CDH20: variants seen among roughly 807,000 people sequenced by gnomAD.
The protein encoded by CDH20 is cadherin-20.
CDH20 carries 29 observed loss-of-function variants against 74.2 expected under a neutral mutation model. That is an observed-to-expected ratio of 0.39 (90% CI 0.29 to 0.53). The LOEUF is 0.53. Ranked by LOEUF, CDH20 falls within the 20% of genes least tolerant of loss-of-function variation. The pLI is 0.69. For missense variants in CDH20, 988 were observed against 1,048.3 expected, an observed-to-expected ratio of 0.94 and a Z score of 0.79; for synonymous variants, 469 against 405.4, an observed-to-expected ratio of 1.16 and a Z score of -1.88.
chr18:61,481,494 T>C lies in CDH20; in HGVS notation c.-152-8908T>C, dbSNP rs543064758. Among the ~76,000 whole-genome samples the C allele has an allele frequency of 2.0e-5, 3 of 152,156 alleles. No homozygotes were observed. In the East Asian group the frequency reaches 5.8e-4, roughly 29 times the overall value. On this transcript the variant is annotated intron_variant, in intron 1 of 11. Transcript: ENST00000262717. ...ATGATACACTATGTTCTAAAAGAGA[T>C]TTCTTTTCCTGAAAGCATGTATTAG...
chr18:61,405,027 A>G (rs1912284726), intron 1 of CDH20: 1 of 694,412 alleles, frequency 1.4e-6, no homozygotes, highest in Non-Finnish European at 2.7e-6. Flanking sequence ...ATAGTACTCC[A>G]TTTCTGATTT....
intron 1 of CDH20, among the ~76,000 whole-genome samples, chr18:61,483,392 C>A (rs1329561284): frequency 6.6e-6 from 1 of 152,072 alleles, no homozygotes; most frequent in Non-Finnish European, 1.5e-5. Flanking sequence ...AGGAGTTGAC[C>A]CCACCACCTC....
chr18:61,393,719 C>T (rs1911868208), intron 1 of CDH20, among the ~76,000 whole-genome samples: 1 of 152,148 alleles, frequency 6.6e-6, no homozygotes, highest in Non-Finnish European at 1.5e-5. Context: ...ACATTATTTG[C>T]TACTTCACGT....
At chr18:61,469,555 G>A (rs1165798992) in intron 1 of CDH20, among the ~76,000 whole-genome samples, 1 of 152,132 alleles carries the variant, frequency 6.6e-6, no homozygotes, top group African/African-American at 2.4e-5. Flanking sequence ...CCTATAGTGG[G>A]CAACACAGGA....
intron 11 of CDH20, among the ~76,000 whole-genome samples, chr18:61,550,514 C>G (rs1913397484): frequency 6.6e-6 from 1 of 152,232 alleles, no homozygotes; most frequent in African/African-American, 2.4e-5. Flanking sequence ...TCCTGGCCTT[C>G]CTGAGTTTAC....
chr18:61,462,832 G>A (rs1909831865), intron 1 of CDH20, among the ~76,000 whole-genome samples: 1 of 151,778 alleles, frequency 6.6e-6, no homozygotes, highest in Admixed American at 6.6e-5. Context: ...GGATGGCATA[G>A]AGTTCAAGAA....
intron 1 of CDH20, among the ~76,000 whole-genome samples, chr18:61,346,823 T>C (rs2144102854): frequency 6.6e-6 from 1 of 152,308 alleles, no homozygotes; most frequent in African/African-American, 2.4e-5. Flanking sequence ...GATCTAGCAA[T>C]TTAATTTTTC....
At chr18:61,346,077 C>T (rs772504140) in intron 1 of CDH20, among the ~76,000 whole-genome samples, 15 of 152,100 alleles carry the variant, frequency 9.9e-5, no homozygotes, top group East Asian at 1.9e-4. Flanking sequence ...TTCTGGAAAG[C>T]GTAGCTGACC....
intron 2 of CDH20, among the ~76,000 whole-genome samples, chr18:61,494,764 T>C (rs959382969): frequency 3.9e-5 from 6 of 152,202 alleles, no homozygotes; most frequent in African/African-American, 1.2e-4. Flanking sequence ...CTAGATTATA[T>C]TGACATATGC....
intron 2 of CDH20, among the ~76,000 whole-genome samples, chr18:61,497,112 A>G (rs1247001615): frequency 2.0e-5 from 3 of 150,716 alleles, no homozygotes; most frequent in East Asian, 1.9e-4. Context: ...AGAAAGAAAG[A>G]AAGAAAGAAA....
intron 1 of CDH20, among the ~76,000 whole-genome samples, chr18:61,406,996 T>A (rs1912350736): frequency 6.6e-6 from 1 of 152,226 alleles, no homozygotes; most frequent in South Asian, 2.1e-4. Flanking sequence ...AGACATCTCA[T>A]CCTTTTACCA....
intron 1 of CDH20, among the ~76,000 whole-genome samples, chr18:61,484,520 T>C (rs1265409026): frequency 6.6e-6 from 1 of 152,110 alleles, no homozygotes. Context: ...ATAGCAAGAA[T>C]GAAAAGCACA....
intron 2 of CDH20, among the ~76,000 whole-genome samples, chr18:61,497,065 C>T (rs1381014282): frequency 7.7e-6 from 1 of 130,540 alleles, no homozygotes; most frequent in African/African-American, 3.0e-5. Flanking sequence ...ACTTTTTTAA[C>T]TGCATAAATA....
chr18:61,506,068 C>T (rs1448934130), intron 5 of CDH20, among the ~76,000 whole-genome samples: 4 of 152,172 alleles, frequency 2.6e-5, no homozygotes, highest in African/African-American at 9.7e-5. Context: ...ATTGAATAAG[C>T]TAAGCCACCT....
chr18:61,501,147 G>A (rs1351165819), intron 4 of CDH20, among the ~76,000 whole-genome samples: 1 of 152,154 alleles, frequency 6.6e-6, no homozygotes, highest in Non-Finnish European at 1.5e-5. Flanking sequence ...GTCCTGATTG[G>A]GAAGCTCTCA....
intron 1 of CDH20, among the ~76,000 whole-genome samples, chr18:61,439,203 C>T (rs1443756441): frequency 6.6e-6 from 1 of 152,046 alleles, no homozygotes; most frequent in Non-Finnish European, 1.5e-5. Context: ...CTCAGCATAA[C>T]GCAATATATC....
Position 61,353,429 on chromosome 18 carries a change from G to T in CDH20, c.-153+19602G>T, listed in dbSNP as rs1021576448. On this transcript the variant is annotated intron_variant, in intron 1 of 11. Transcript: ENST00000262717. This position sits in a 1 kb window ranked among gnomAD's most constrained non-coding sequence, Gnocchi z 4.6. Reference sequence around the variant, plus strand: ...TCAATAGTTACTTCTTCTTCCCCTAGATTCTCATAAAATGGACTTCATATT... The same window carrying T: ...TCAATAGTTACTTCTTCTTCCCCTATATTCTCATAAAATGGACTTCATATT... Among the ~76,000 whole-genome samples the T allele has an allele frequency of 6.6e-6, 1 of 152,096 alleles. No individual in the cohort carries two copies. Among genetic ancestry groups the T allele is most frequent in the African/African-American group, 2.4e-5 (1 of 41,392 alleles).
At chr18:61,395,410 G>A (rs778871507) in intron 1 of CDH20, among the ~76,000 whole-genome samples, 3 of 152,170 alleles carry the variant, frequency 2.0e-5, no homozygotes, top group Non-Finnish European at 4.4e-5. Flanking sequence ...TTAGGACTGA[G>A]TCATCTTCAT....
At position 61,428,093 on chromosome 18, in the gene CDH20, G is replaced by A. The variant is rs189393337; in HGVS notation, c.-152-62309G>A. Among the ~76,000 whole-genome samples the A allele has an allele frequency of 1.4e-4, 21 of 152,242 alleles. No individual in the cohort carries two copies. The East Asian group carries it at 3.9e-3, about 28-fold the overall frequency. On this transcript the variant is annotated intron_variant, in intron 1 of 11. Coordinates refer to ENST00000262717, the MANE Select transcript of CDH20 (RefSeq NM_031891.4). ...TTGGCACAAGCTGATGACATTTAAAGCTAAAAAAGCAAAAAGAAGAGACAC... is the reference window on the plus strand; with the variant it reads ...TTGGCACAAGCTGATGACATTTAAAACTAAAAAAGCAAAAAGAAGAGACAC...
Sources: gnomAD v4.1 joint callset for allele counts (sites outside exome capture counted in the v4.1 genomes callset) on GRCh38, gnomAD v4.1.1 for gene constraint, Gnocchi (gnomAD v3.1) non-coding constraint, MANE v1.5 for transcripts, NCBI Gene and HGNC (gene_info 2026-07-23, HGNC 2026-07-21) for gene names.